Variants in STOX2 observed in about 807,000 individuals in gnomAD.
The protein encoded by STOX2 is storkhead-box protein 2.
Under a neutral mutation model 60.9 loss-of-function variants are expected in STOX2, and 28 were observed. That is an observed-to-expected ratio of 0.46 (90% CI 0.34 to 0.63). The LOEUF (loss-of-function observed/expected upper bound fraction) is 0.63, where lower values mean the gene tolerates loss of function less well. Among genes scored for constraint, STOX2 ranks in the 30% least tolerant of loss-of-function variants. The pLI, the probability that STOX2 is intolerant of heterozygous loss-of-function variation, is 0.01. For synonymous variants in STOX2, 472 were observed against 463.9 expected (o/e 1.02, Z -0.22); for missense variants, 1,024 against 1,187.7 (o/e 0.86, Z 2.03).
intron 1 of STOX2, among the ~76,000 whole-genome samples, chr4:183,999,452 C>T (rs1733489495): frequency 1.3e-5 from 2 of 152,186 alleles, no homozygotes; most frequent in South Asian, 4.1e-4. Flanking sequence ...TCCCTTCCTC[C>T]TTTTCTGGAT....
In STOX2 at chr4:184,017,278, C is replaced by G; in HGVS notation, c.2775C>G (p.Ser925Arg). The G allele has an allele frequency of 6.3e-7, 1 of 1,590,496 alleles. No homozygotes were observed. The highest frequency in any genetic ancestry group is 1.3e-5 in the African/African-American group (1 of 74,408). ...PSNCLQASVT[S>R]V ...ACTGCTTGCAAGCTTCTGTTACTAG[C>G]GTGTGATTGTCCTTCTGCCTCAGAT... The change falls in exon 4 of 4, where the codon AGC becomes AGG. Residue 925 changes from serine (S) to arginine (R), a missense_variant. Physicochemically the swap from Ser to Arg is moderately radical, Grantham distance 110. Around this residue, in one of 3 missense-constraint regions of STOX2, gnomAD observed 922 missense variants for 1,058.3 expected, o/e 0.87. Coordinates refer to ENST00000308497, the MANE Select transcript of STOX2 (RefSeq NM_020225.3).
chr4:183,894,182 A>T (rs964150960), intron 1 of STOX2, among the ~76,000 whole-genome samples: 3 of 152,208 alleles, frequency 2.0e-5, no homozygotes, highest in African/African-American at 7.2e-5. Flanking sequence ...AATATTAAAA[A>T]TATCCTAATT....
chr4:183,862,181 T>C (rs1740464375), intron 1 of STOX2, among the ~76,000 whole-genome samples: 1 of 152,130 alleles, frequency 6.6e-6, no homozygotes, highest in South Asian at 2.1e-4. Context: ...GTTTGTTTGT[T>C]TGTTTGTTTT....
intron 1 of STOX2, among the ~76,000 whole-genome samples, chr4:183,987,071 T>C (rs1172131564): frequency 6.6e-6 from 1 of 152,178 alleles, no homozygotes; most frequent in East Asian, 1.9e-4. Flanking sequence ...GAGATAATTT[T>C]TCGGTTATCC....
intron 1 of STOX2, among the ~76,000 whole-genome samples, chr4:183,873,542 A>G (rs560782250): frequency 6.6e-6 from 1 of 152,164 alleles, no homozygotes; most frequent in Admixed American, 6.5e-5. Context: ...CAAGCACTAA[A>G]TGGTGACTGT....
At chr4:183,985,225 G>A (rs561152755) in intron 1 of STOX2, among the ~76,000 whole-genome samples, 1 of 152,166 alleles carries the variant, frequency 6.6e-6, no homozygotes, top group Admixed American at 6.5e-5. Flanking sequence ...TGACATATAG[G>A]TTTTGACATT....
At chr4:183,983,226 T>C (rs1475820400) in intron 1 of STOX2, among the ~76,000 whole-genome samples, 1 of 152,238 alleles carries the variant, frequency 6.6e-6, no homozygotes, top group Non-Finnish European at 1.5e-5. Flanking sequence ...TCTTCCTTCC[T>C]GAAGCACCTC....
At chr4:183,837,380 T>G (rs1739739717) in intron 1 of STOX2, among the ~76,000 whole-genome samples, 1 of 152,138 alleles carries the variant, frequency 6.6e-6, no homozygotes, top group Non-Finnish European at 1.5e-5. Context: ...TTCTAGGTAC[T>G]TCCTATAAGT....
chr4:183,817,459 G>GA (rs1214675312), intron 1 of STOX2, among the ~76,000 whole-genome samples: 1 of 152,168 alleles, frequency 6.6e-6, no homozygotes, highest in Admixed American at 6.5e-5. Context: ...GATCGCCAGG[G>GA]AAAAAATCAA....
chr4:183,946,020 A>T (rs771066016), intron 1 of STOX2, among the ~76,000 whole-genome samples: 1 of 152,210 alleles, frequency 6.6e-6, no homozygotes. Flanking sequence ...CATATTTTCT[A>T]TGTCAATGGG....
Position 184,017,145 on chromosome 4 carries a change from A to G in STOX2, c.2642A>G (p.Gln881Arg). ...AGCATTGTTGAAAGTAACCGTCGTCAGAACCCCGCTTTGAGCCCGGCCCAT... is the reference window on the plus strand; with the variant it reads ...AGCATTGTTGAAAGTAACCGTCGTCGGAACCCCGCTTTGAGCCCGGCCCAT... The part of the protein sequence containing the change: ...TSSIVESNRR[Q>R]NPALSPAHGG... The change falls in exon 4 of 4, where the codon CAG becomes CGG. Residue 881 changes from glutamine to arginine, a missense_variant. Transcript: ENST00000308497. 1 of 1,613,930 alleles carries G rather than the reference A, an allele frequency of 6.2e-7. No homozygotes were observed. The highest frequency in any genetic ancestry group is 8.5e-7 in the Non-Finnish European group (1 of 1,179,852).
chr4:183,971,386 T>A (rs777581963), intron 1 of STOX2, among the ~76,000 whole-genome samples: 1 of 152,212 alleles, frequency 6.6e-6, no homozygotes, highest in South Asian at 2.1e-4. Context: ...ATGCTAATGA[T>A]CTGGTCTGTG....
chr4:183,945,557 G>A (rs1469324266), intron 1 of STOX2, among the ~76,000 whole-genome samples: 1 of 152,202 alleles, frequency 6.6e-6, no homozygotes, highest in Non-Finnish European at 1.5e-5. Flanking sequence ...TACTATGAAT[G>A]CCTGTAGGCC....
rs774855930 is a variant in STOX2, at chr4:183,905,873, C to T, written c.-918C>T. 5.2e-4 allele frequency: 79 copies of T among 152,342 alleles called. No homozygotes were observed. The highest frequency in any genetic ancestry group is 9.7e-4 in the Non-Finnish European group (66 of 68,052). 9.4% of individuals were successfully genotyped at this position (152,342 alleles called of 1,614,324 possible). On this transcript the variant is annotated 5_prime_UTR_variant, in exon 1 of 4. Transcript: ENST00000308497. The stretch of plus-strand genomic sequence containing the variant: ...ATCGCAGGCTCGGCGTCCTTGGCAG[C>T]CATGGCTCCGGCGCCGCCTCGGCCA...
At chr4:183,997,100 C>G (rs1733375176) in intron 1 of STOX2, among the ~76,000 whole-genome samples, 1 of 152,144 alleles carries the variant, frequency 6.6e-6, no homozygotes, top group Admixed American at 6.5e-5. Flanking sequence ...GTGAGACAGA[C>G]AGTAAACCAG....
intron 1 of STOX2, among the ~76,000 whole-genome samples, chr4:183,940,233 C>A (rs1742716646): frequency 6.6e-6 from 1 of 152,068 alleles, no homozygotes; most frequent in Admixed American, 6.6e-5. Flanking sequence ...AATCAAGACG[C>A]CCGGGTTCCC....
rs1289530302 is a variant in STOX2 at position 184,018,850 on chromosome 4, C to CA, written c.*1567dup. 6.6e-6 allele frequency: 1 copy of CA among 152,194 alleles called. No individual in the cohort carries two copies. The highest frequency in any genetic ancestry group is 1.9e-4 in the East Asian group (1 of 5,202). The allele number at this position is 152,194 out of a possible 1,614,324, so 9.4% of individuals were successfully genotyped here. On this transcript the variant is annotated 3_prime_UTR_variant, in exon 4 of 4. Coordinates refer to ENST00000308497, the MANE Select transcript of STOX2 (RefSeq NM_020225.3). ...TTATTTGCAAAAGGGTTACATATGA[C>CA]ACAAGTAAGTGTTCTGACATAAAGT...
intron 1 of STOX2, among the ~76,000 whole-genome samples, chr4:183,872,880 T>C (rs1265101485): frequency 6.6e-6 from 1 of 152,194 alleles, no homozygotes; most frequent in Non-Finnish European, 1.5e-5. Flanking sequence ...GTCCGTCATC[T>C]TTGTGTTCTG....
chr4:183,930,014 T>C (rs6821296), intron 1 of STOX2, among the ~76,000 whole-genome samples: 39,797 of 151,366 alleles, frequency 0.26, 9,932 homozygotes, highest in African/African-American at 0.66. Context: ...TGGGCGCCCC[T>C]CACCACGCCT....
Sources: gnomAD v4.1 joint callset for allele counts (sites outside exome capture counted in the v4.1 genomes callset) on GRCh38, gnomAD v4.1.1 for gene constraint, gnomAD v4.1.1 regional missense constraint, MANE v1.5 for transcripts, NCBI Gene and HGNC (gene_info 2026-07-23, HGNC 2026-07-21) for gene names.